Variants in VPS13B observed in about 807,000 individuals in gnomAD.
VPS13B encodes intermembrane lipid transfer protein VPS13B.
In VPS13B, 285 loss-of-function variants were observed where a neutral mutation model predicts 426.4. The ratio of observed to expected loss-of-function variants is 0.67; its 90% CI spans 0.61 to 0.74. The LOEUF (loss-of-function observed/expected upper bound fraction) is 0.74. Among genes scored for constraint, VPS13B ranks in the 30% least tolerant of loss-of-function variants. The probability of loss-of-function intolerance (pLI) is 0.00; values close to 1 mark genes in which losing one functional copy is unlikely to be tolerated. For missense variants in VPS13B, 4,537 were observed against 4,782.6 expected, an observed-to-expected ratio of 0.95 and a Z score of 1.51; for synonymous variants, 1,676 against 1,676.4, an observed-to-expected ratio of 1.00 and a Z score of 0.01.
chr8:99,668,990 C>T (rs1830598215), intron 35 of VPS13B, among the ~76,000 whole-genome samples: 1 of 152,116 alleles, frequency 6.6e-6, no homozygotes, highest in African/African-American at 2.4e-5. Flanking sequence ...AAGGAAAATT[C>T]CCCGTGAGAA....
chr8:99,603,047 A>G (rs1827397243), intron 33 of VPS13B, among the ~76,000 whole-genome samples: 1 of 152,226 alleles, frequency 6.6e-6, no homozygotes, highest in Admixed American at 6.5e-5. Context: ...ATGAAAAAAG[A>G]CAAGCATGTT....
In VPS13B at chr8:99,294,630, G is replaced by T. The variant is rs796173569; in HGVS notation, c.2824+19376G>T. Among the ~76,000 whole-genome samples the T allele has an allele frequency of 5.3e-5, 8 of 152,234 alleles. 1 individual carries two copies. The highest frequency in any genetic ancestry group is 1.9e-4 in the African/African-American group (8 of 41,548). On this transcript the variant is annotated intron_variant, in intron 19 of 61. Transcript: ENST00000357162. ...AAGACAAGATCCCTGTTATATGAAG[G>T]AAGAAATGTGTCTGTAACATTAAAG...
At chr8:99,465,901 T>C (rs1819087859) in intron 23 of VPS13B, among the ~76,000 whole-genome samples, 1 of 152,130 alleles carries the variant, frequency 6.6e-6, no homozygotes, top group Non-Finnish European at 1.5e-5. Flanking sequence ...TATTTTATTA[T>C]GCAAGTCTCA....
intron 17 of VPS13B, among the ~76,000 whole-genome samples, chr8:99,250,026 T>G (rs1284755877): frequency 2.0e-5 from 3 of 152,196 alleles, no homozygotes; most frequent in Non-Finnish European, 4.4e-5. Flanking sequence ...TCACTGGTAT[T>G]TAATTTTGCT....
chr8:99,451,246 C>T (rs1425593050), intron 23 of VPS13B, among the ~76,000 whole-genome samples: 1 of 152,154 alleles, frequency 6.6e-6, no homozygotes, highest in Non-Finnish European at 1.5e-5. Context: ...TAGGCTGATA[C>T]TTCCTTCAAC....
intron 2 of VPS13B, among the ~76,000 whole-genome samples, chr8:99,033,244 G>C (rs1842601550): frequency 6.6e-6 from 1 of 152,146 alleles, no homozygotes; most frequent in African/African-American, 2.4e-5. Flanking sequence ...CTTTATTTGA[G>C]TATATTTTAA....
chr8:99,835,626 C>T lies in VPS13B; in HGVS notation c.9830C>T (p.Pro3277Leu), dbSNP rs141138612. 4.5e-5 allele frequency: 73 copies of T among 1,613,918 alleles called. 1 individual carries two copies. Among genetic ancestry groups the T allele is most frequent in the African/African-American group, 1.2e-4 (9 of 74,864 alleles). ...HELYHQISSY[P>L]DCKTKDLLPS... ...CTGTATCATCAGATTTCCAGTTATCCGGACTGCAAGACCAAAGACTTACTT... is the reference window on the plus strand; with the variant it reads ...CTGTATCATCAGATTTCCAGTTATCTGGACTGCAAGACCAAAGACTTACTT... The change falls in exon 54 of 62, where the codon CCG (proline) becomes CTG (leucine). Residue 3277 changes from proline (P) to leucine (L), a missense_variant. Physicochemically the swap from Pro to Leu is moderately conservative, Grantham distance 98 (BLOSUM62 -3). Transcript: ENST00000357162.
intron 39 of VPS13B, among the ~76,000 whole-genome samples, chr8:99,756,653 T>C (rs1163079384): frequency 1.3e-5 from 2 of 152,070 alleles, no homozygotes; most frequent in Non-Finnish European, 2.9e-5. Flanking sequence ...TCAAAAGCCA[T>C]AGAGACCAGA....
chr8:99,538,503 A>G (rs1311987505), intron 30 of VPS13B, among the ~76,000 whole-genome samples: 3 of 151,604 alleles, frequency 2.0e-5, no homozygotes, highest in African/African-American at 7.3e-5. Flanking sequence ...CTGTTTTGGG[A>G]TATGTGTGTT....
intron 17 of VPS13B, among the ~76,000 whole-genome samples, chr8:99,235,208 T>C (rs912450877): frequency 6.6e-6 from 1 of 152,208 alleles, no homozygotes; most frequent in Admixed American, 6.5e-5. Context: ...ACACCTTCTT[T>C]GTTACTACAA....
chr8:99,507,389 C>A (rs772179436), intron 28 of VPS13B, among the ~76,000 whole-genome samples, 186 bp downstream of exon 28: 1 of 152,150 alleles, frequency 6.6e-6, no homozygotes, highest in Non-Finnish European at 1.5e-5. Context: ...TGTTTTGTAA[C>A]CATCTTCCTG....
At chr8:99,545,025 G>T (rs1187097381) in intron 30 of VPS13B, among the ~76,000 whole-genome samples, 3 of 152,084 alleles carry the variant, frequency 2.0e-5, no homozygotes, top group African/African-American at 7.2e-5. Context: ...CCTTTTTATT[G>T]AAACAACTAT....
intron 34 of VPS13B, among the ~76,000 whole-genome samples, chr8:99,655,310 GA>G (rs1829982887): frequency 6.6e-6 from 1 of 152,188 alleles, no homozygotes; most frequent in South Asian, 2.1e-4. Flanking sequence ...AAAGAGCACT[GA>G]ATCTTAAAAA....
chr8:99,762,648 G>C (rs561017622), intron 39 of VPS13B, among the ~76,000 whole-genome samples: 1 of 152,256 alleles, frequency 6.6e-6, no homozygotes, highest in African/African-American at 2.4e-5. Context: ...CAACTTACCT[G>C]ATTCTGGCAA....
At chr8:99,446,012 T>C (rs1817901370) in intron 23 of VPS13B, among the ~76,000 whole-genome samples, 2 of 152,234 alleles carry the variant, frequency 1.3e-5, no homozygotes, top group South Asian at 4.1e-4. Context: ...TACATTGGTA[T>C]GACTGTGTTC....
chr8:99,093,229 G>A (rs1395984504), intron 3 of VPS13B, among the ~76,000 whole-genome samples: 1 of 151,964 alleles, frequency 6.6e-6, no homozygotes, highest in Admixed American at 6.6e-5. Flanking sequence ...AAAAAGAACA[G>A]CCTCATTAAG....
intron 23 of VPS13B, among the ~76,000 whole-genome samples, chr8:99,453,941 A>G (rs1483567081): frequency 1.3e-5 from 2 of 152,144 alleles, no homozygotes; most frequent in Admixed American, 6.6e-5. Context: ...ACTTGGAGAA[A>G]TATATAATGA....
At chr8:99,398,457 A>G (rs1814859120) in intron 21 of VPS13B, among the ~76,000 whole-genome samples, 1 of 152,214 alleles carries the variant, frequency 6.6e-6, no homozygotes, top group Non-Finnish European at 1.5e-5. Flanking sequence ...GTCTGTGGTC[A>G]GTTGGCCAGA....
intron 34 of VPS13B, among the ~76,000 whole-genome samples, chr8:99,645,345 A>C (rs1563841985): frequency 2.0e-5 from 3 of 152,216 alleles, no homozygotes; most frequent in Non-Finnish European, 4.4e-5. Context: ...TTGAGCCAGC[A>C]GGCCTAGGCC....
Sources: allele counts gnomAD v4.1 joint callset (sites outside exome capture counted in the v4.1 genomes callset), GRCh38; gene constraint gnomAD v4.1.1; transcripts MANE v1.5; gene names NCBI Gene and HGNC (gene_info 2026-07-23, HGNC 2026-07-21).